Variants in MAD1L1 observed in about 807,000 individuals in gnomAD.
The protein encoded by MAD1L1 is mitotic arrest deficient 1 like 1.
In MAD1L1, 95 loss-of-function variants were observed where a neutral mutation model predicts 96.9. The ratio of observed to expected loss-of-function variants is 0.98; its 90% CI spans 0.83 to 1.16. MAD1L1 has a LOEUF of 1.16. MAD1L1 is among the 50% of genes most tolerant of loss of function. The pLI is 0.00. For missense variants in MAD1L1, 1,007 were observed against 954.4 expected (o/e 1.06, Z -0.73); for synonymous variants, 473 against 396.6 (o/e 1.19, Z -2.29).
intron 18 of MAD1L1, among the ~76,000 whole-genome samples, chr7:1,834,618 G>A (rs187623108): frequency 1.2e-4 from 19 of 152,370 alleles, no homozygotes; most frequent in African/African-American, 2.4e-4. Context: ...TCAAGACACC[G>A]ATGTGTAGTT....
chr7:1,976,701 G>A (rs1403507483), intron 15 of MAD1L1, among the ~76,000 whole-genome samples: 1 of 152,196 alleles, frequency 6.6e-6, no homozygotes, highest in Admixed American at 6.5e-5. Context: ...TTTACAGAAA[G>A]CTGATTGGTC....
chr7:1,938,839 G>GGCAC (rs1778764574), intron 16 of MAD1L1, among the ~76,000 whole-genome samples: 1 of 75,908 alleles, frequency 1.3e-5, no homozygotes, highest in African/African-American at 6.8e-5. Flanking sequence ...CGGGGCCAGA[G>GGCAC]GCACACACAC....
At chr7:2,169,918 CGG>C in intron 10 of MAD1L1, among the ~76,000 whole-genome samples, 1 of 87,740 alleles carries the variant, frequency 1.1e-5, no homozygotes, top group South Asian at 4.7e-4. Context: ...AAAGGCCCAC[CGG>C]GGGCACTTGG....
At position 2,229,623 on chromosome 7, in the gene MAD1L1, G is replaced by A. The variant is rs144897175; in HGVS notation, c.150+361C>T. On this transcript the variant is annotated intron_variant, in intron 3 of 18. Transcript: ENST00000265854. ...ACTGTGTTTCCAACACAGCCTTCCCGACAGTCCTGGTGCTCACTCCCCCAG... is the reference window on the plus strand; with the variant it reads ...ACTGTGTTTCCAACACAGCCTTCCCAACAGTCCTGGTGCTCACTCCCCCAG... 3.1e-3 allele frequency among the ~76,000 whole-genome samples: 478 copies of A among 152,272 alleles called. 2 individuals carry two copies. The highest frequency in any genetic ancestry group is 0.011 in the African/African-American group (446 of 41,560).
intron 16 of MAD1L1, among the ~76,000 whole-genome samples, chr7:1,939,114 A>C (rs1321606209): frequency 7.9e-6 from 1 of 126,772 alleles, no homozygotes; most frequent in Non-Finnish European, 1.6e-5. Flanking sequence ...CCAGGGCCAG[A>C]GGCGCGCACA....
At chr7:1,850,406 C>A (rs2128640126) in intron 18 of MAD1L1, among the ~76,000 whole-genome samples, 1 of 152,318 alleles carries the variant, frequency 6.6e-6, no homozygotes. Flanking sequence ...CCAGCTCAGC[C>A]CCCTGGTACC....
chr7:1,998,313 G>A (rs988080315), intron 14 of MAD1L1, among the ~76,000 whole-genome samples: 3 of 152,208 alleles, frequency 2.0e-5, no homozygotes, highest in East Asian at 1.9e-4. Context: ...GCCGATGCCC[G>A]GGTCAAGATG....
At position 2,073,327 on chromosome 7, in the gene MAD1L1, G is replaced by C. The variant is rs910723293; in HGVS notation, c.1074-3989C>G. On this transcript the variant is annotated intron_variant, in intron 11 of 18. Coordinates refer to ENST00000265854, the MANE Select transcript of MAD1L1 (RefSeq NM_001013836.2). ...GGGAAGTGTGGAAACAGCTAACTAG[G>C]CTTTGTTAAAGATCTGCAGGAGTGC... Among the ~76,000 whole-genome samples the C allele has an allele frequency of 4.6e-5, 7 of 152,336 alleles. No individual in the cohort carries two copies. The East Asian group carries it at 1.3e-3, about 29-fold the overall frequency.
At chr7:1,828,807 C>T (rs998878350) in intron 18 of MAD1L1, among the ~76,000 whole-genome samples, 9 of 152,172 alleles carry the variant, frequency 5.9e-5, no homozygotes, top group Non-Finnish European at 1.2e-4. Context: ...GCTGACCTGA[C>T]GTCAGAAGCG....
At chr7:1,917,919 G>A (rs1158618549) in intron 17 of MAD1L1, among the ~76,000 whole-genome samples, 1 of 152,160 alleles carries the variant, frequency 6.6e-6, no homozygotes, top group Admixed American at 6.5e-5. Flanking sequence ...GGGGACGGAG[G>A]GCGGCCCTGA....
intron 10 of MAD1L1, 74 bp from the exon 11 acceptor site, chr7:2,149,312 A>G: frequency 8.3e-7 from 1 of 1,211,032 alleles, no homozygotes; most frequent in Non-Finnish European, 1.2e-6. Flanking sequence ...ACAAAACAGA[A>G]GGCCAAAAGC....
chr7:2,037,079 G>A (rs1179381912), intron 12 of MAD1L1, among the ~76,000 whole-genome samples: 1 of 152,016 alleles, frequency 6.6e-6, no homozygotes, highest in African/African-American at 2.4e-5. Flanking sequence ...GCTTCCACGC[G>A]CCCACGAAGG....
chr7:2,147,081 G>A (rs1006122092), intron 11 of MAD1L1, among the ~76,000 whole-genome samples: 2 of 152,198 alleles, frequency 1.3e-5, no homozygotes, highest in African/African-American at 4.8e-5. Flanking sequence ...CCACCCACCA[G>A]CAAGCAGCAC....
At chr7:2,186,774 C>T (rs1409200135) in intron 10 of MAD1L1, among the ~76,000 whole-genome samples, 2 of 151,652 alleles carry the variant, frequency 1.3e-5, no homozygotes, top group Non-Finnish European at 2.9e-5. Context: ...CTTGTAACAT[C>T]AAAACTATTT....
intron 12 of MAD1L1, among the ~76,000 whole-genome samples, chr7:2,035,000 G>C (rs1783402343): frequency 6.6e-6 from 1 of 152,238 alleles, no homozygotes; most frequent in Admixed American, 6.5e-5. Context: ...GCAGCACAGG[G>C]GGCCACAAGT....
rs186260729 is a variant in MAD1L1, at chr7:1,881,792, C to T, written c.1998+16408G>A. Among the ~76,000 whole-genome samples the T allele has an allele frequency of 1.0e-3, 158 of 152,306 alleles. 2 individuals are homozygous for T. The highest frequency in any genetic ancestry group is 5.8e-4 in the East Asian group (3 of 5,186). On this transcript the variant is annotated intron_variant, in intron 18 of 18. Coordinates refer to ENST00000265854, the MANE Select transcript of MAD1L1 (RefSeq NM_001013836.2). ...TGGTGGGAAGGCAGCAGACACGACC[C>T]GAGGCCCATGGTGCCCCCTCACTCC...
intron 12 of MAD1L1, among the ~76,000 whole-genome samples, chr7:2,027,570 C>T (rs1044799859): frequency 9.2e-5 from 14 of 152,208 alleles, no homozygotes; most frequent in African/African-American, 2.9e-4. Context: ...TAATTTAATG[C>T]GCATTAACAA....
chr7:1,817,694 G>T (rs1448556735), intron 18 of MAD1L1, among the ~76,000 whole-genome samples: 1 of 152,160 alleles, frequency 6.6e-6, no homozygotes. Flanking sequence ...AGCGCTAGAC[G>T]TGAGGGTGAG....
Position 1,816,062 on chromosome 7 carries a change from C to T in MAD1L1, c.*8G>A. On this transcript the variant is annotated 3_prime_UTR_variant, in exon 19 of 19. Coordinates refer to ENST00000265854, the MANE Select transcript of MAD1L1 (RefSeq NM_001013836.2). ...GAGTGGCTCCGGCTATGCCCCCGAG[C>T]CTGCAGGCTACGCCACGGTCTGGCG... 1 of 1,604,772 alleles carries T rather than the reference C, an allele frequency of 6.2e-7. No individual in the cohort carries two copies. Among genetic ancestry groups the T allele is most frequent in the Non-Finnish European group, 8.5e-7 (1 of 1,175,024 alleles).
Sources: gnomAD v4.1 joint callset for allele counts (sites outside exome capture counted in the v4.1 genomes callset) on GRCh38, gnomAD v4.1.1 for gene constraint, MANE v1.5 for transcripts, NCBI Gene and HGNC (gene_info 2026-07-23, HGNC 2026-07-21) for gene names.